NLGN4X: variants seen among roughly 807,000 people sequenced by gnomAD.
NLGN4X encodes the protein neuroligin-4, X-linked.
NLGN4X carries 3 observed loss-of-function variants against 40.3 expected under a neutral mutation model. The observed-to-expected ratio is 0.07, with a 90% CI of 0.03 to 0.19. The LOEUF (loss-of-function observed/expected upper bound fraction) is 0.19. NLGN4X is among the 10% of genes least tolerant of loss of function. NLGN4X has a pLI of 1.00. For missense variants in NLGN4X, 382 were observed against 708.3 expected (o/e 0.54, Z 5.23); for synonymous variants, 270 against 306.8 (o/e 0.88, Z 1.25).
intron 3 of NLGN4X, among the ~76,000 whole-genome samples, chrX:6,001,815 G>GA (rs1174240971): frequency 2.7e-5 from 3 of 110,765 alleles, no homozygotes; most frequent in Non-Finnish European, 5.7e-5. Flanking sequence ...AGAAATAAAG[G>GA]AAAAATCCAA....
chrX:5,917,328 C>A (rs2032850041), intron 3 of NLGN4X, among the ~76,000 whole-genome samples: 1 of 112,586 alleles, frequency 8.9e-6, no homozygotes, highest in Admixed American at 9.4e-5. Flanking sequence ...TCTCTTTCTA[C>A]CAATGTGGGC....
At chrX:6,020,768 A>T (rs2036508975) in intron 3 of NLGN4X, among the ~76,000 whole-genome samples, 1 of 110,233 alleles carries the variant, frequency 9.1e-6, no homozygotes, top group African/African-American at 3.3e-5. Flanking sequence ...AGCACAAAAT[A>T]AAAAAAATTC....
At position 6,208,394 on chromosome X, in the gene NLGN4X, G is replaced by A. The variant is rs760078884; in HGVS notation, c.-306+20147C>T. On this transcript the variant is annotated intron_variant, in intron 1 of 5. Transcript: ENST00000381095. The stretch of plus-strand genomic sequence containing the variant: ...ATATAAATCAATGCCACCTCCTTTC[G>A]GATAACGTGCGTTATATTAACTGTC... Among the ~76,000 whole-genome samples, 9 of 111,850 alleles carry A rather than the reference G, an allele frequency of 8.0e-5. No individual in the cohort carries two copies. In the East Asian group the frequency reaches 1.1e-3, roughly 14 times the overall value.
At position 5,957,019 on chromosome X, in the gene NLGN4X, TGAGA is replaced by T. The variant is rs773646712; in HGVS notation, c.626-47784_626-47781del. Among the ~76,000 whole-genome samples the T allele has an allele frequency of 3.1e-4, 34 of 109,676 alleles. No individual in the cohort carries two copies. The East Asian group carries it at 9.9e-3, about 32-fold the overall frequency. ...TGTTTAAAGGGAAAGAGAAGCAAAC[TGAGA>T]GAGAGAGACAGTCAGAGACAGAGAG... is the stretch of plus-strand genomic sequence containing the variant. On this transcript the variant is annotated intron_variant, in intron 3 of 5. Coordinates refer to ENST00000381095, the MANE Select transcript of NLGN4X (RefSeq NM_181332.3).
chrX:6,169,734 T>C (rs2040565740), intron 1 of NLGN4X, among the ~76,000 whole-genome samples: 1 of 112,178 alleles, frequency 8.9e-6, no homozygotes, highest in African/African-American at 3.2e-5. Flanking sequence ...TAAGCCAGCA[T>C]GGCGCCATGA....
intron 3 of NLGN4X, among the ~76,000 whole-genome samples, chrX:5,974,919 T>C (rs1158088266): frequency 8.9e-6 from 1 of 111,978 alleles, no homozygotes; most frequent in East Asian, 2.8e-4. Flanking sequence ...TAAGGGTTAC[T>C]TGAGAACAAA....
At chrX:6,198,057 C>A in intron 1 of NLGN4X, among the ~76,000 whole-genome samples, 1 of 101,290 alleles carries the variant, frequency 9.9e-6, no homozygotes, top group African/African-American at 3.9e-5. Context: ...GAGTGAAGCC[C>A]TGTCTCAAAA....
chrX:6,041,470 T>C (rs2037154424), intron 2 of NLGN4X, among the ~76,000 whole-genome samples: 2 of 112,201 alleles, frequency 1.8e-5, no homozygotes, highest in Admixed American at 1.9e-4. Flanking sequence ...TTCTCCCATC[T>C]GCAAAGCCCA....
rs745473529 is a variant in NLGN4X at position 6,028,751 on chromosome X, C to A, written c.625+529G>T. On this transcript the variant is annotated intron_variant, in intron 3 of 5. Transcript: ENST00000381095. ...AATTTCCATGTATTTAGCCTTTAAT[C>A]GTAGATCATCAATGGACAAAAGTCA... Among the ~76,000 whole-genome samples the A allele has an allele frequency of 6.3e-5, 7 of 111,712 alleles. No homozygotes were observed. The South Asian group carries it at 2.6e-3, about 41-fold the overall frequency.
At chrX:6,185,630 G>A (rs911646799) in intron 1 of NLGN4X, among the ~76,000 whole-genome samples, 4 of 112,027 alleles carry the variant, frequency 3.6e-5, no homozygotes, top group Non-Finnish European at 5.6e-5. Flanking sequence ...TGTACAAAAT[G>A]CACTTCATTA....
intron 3 of NLGN4X, among the ~76,000 whole-genome samples, chrX:5,948,667 C>T (rs766337970): frequency 8.9e-6 from 1 of 112,077 alleles, no homozygotes; most frequent in South Asian, 3.7e-4. Flanking sequence ...CCAACACCAA[C>T]ACCATGTACT....
intron 3 of NLGN4X, among the ~76,000 whole-genome samples, chrX:5,915,352 T>C (rs2032737547): frequency 8.9e-6 from 1 of 111,864 alleles, no homozygotes; most frequent in African/African-American, 3.2e-5. Context: ...AGTGCTTTAG[T>C]TTAAATTACA....
At chrX:6,098,601 C>A (rs1336113056) in intron 2 of NLGN4X, among the ~76,000 whole-genome samples, 1 of 111,286 alleles carries the variant, frequency 9.0e-6, no homozygotes, top group Non-Finnish European at 1.9e-5. Context: ...ATATAAACGG[C>A]CTGCGTACTT....
intron 2 of NLGN4X, among the ~76,000 whole-genome samples, chrX:6,142,394 C>T (rs1239641741): frequency 1.8e-5 from 2 of 112,355 alleles, no homozygotes; most frequent in African/African-American, 3.2e-5. Flanking sequence ...TTTAACTGTG[C>T]TTACAAAAAA....
chrX:6,059,098 G>A (rs1483432491), intron 2 of NLGN4X, among the ~76,000 whole-genome samples: 1 of 112,239 alleles, frequency 8.9e-6, no homozygotes, highest in Non-Finnish European at 1.9e-5. Flanking sequence ...CCCTAGCAGA[G>A]TTAAGATGTG....
chrX:5,979,696 T>C (rs1267498730), intron 3 of NLGN4X, among the ~76,000 whole-genome samples: 1 of 101,919 alleles, frequency 9.8e-6, no homozygotes, highest in African/African-American at 3.5e-5. Flanking sequence ...GGGTGGTTTC[T>C]TTTTAATTCT....
chrX:5,900,560 CTTTTTTTTT>C (rs1163973694), intron 5 of NLGN4X, among the ~76,000 whole-genome samples: 584 of 45,573 alleles, frequency 0.013, 8 homozygotes, highest in African/African-American at 0.048. Context: ...GTTTTTGGTG[CTTTTTTTTT>C]TTTTTTTTTT....
chrX:6,133,406 T>C (rs2039729410), intron 2 of NLGN4X, among the ~76,000 whole-genome samples: 2 of 112,373 alleles, frequency 1.8e-5, no homozygotes, highest in South Asian at 7.3e-4. Context: ...AACACAGATA[T>C]ACTTTGCAAC....
chrX:5,934,005 A>G lies in NLGN4X; in HGVS notation c.626-24766T>C, dbSNP rs143251309. ...AACTAGAACATAGGAACATAATATT[A>G]TAAGAAGAAGAAAGATGTCTATGCC... On this transcript the variant is annotated intron_variant, in intron 3 of 5. Transcript: ENST00000381095. Among the ~76,000 whole-genome samples the G allele has an allele frequency of 1.8e-3, 199 of 111,972 alleles. 1 individual carries two copies. Among genetic ancestry groups the G allele is most frequent in the African/African-American group, 4.5e-3 (139 of 30,901 alleles).
Sources: gnomAD v4.1 joint callset for allele counts (sites outside exome capture counted in the v4.1 genomes callset) on GRCh38, gnomAD v4.1.1 for gene constraint, MANE v1.5 for transcripts, NCBI Gene and HGNC (gene_info 2026-07-23, HGNC 2026-07-21) for gene names.